Variants in BNIP5 observed in about 807,000 individuals in gnomAD.
BNIP5 encodes BCL2 interacting protein 5.
In BNIP5, 61 loss-of-function variants were observed where a neutral mutation model predicts 67.3. That is an observed-to-expected ratio of 0.91 (90% CI 0.74 to 1.12). The LOEUF is 1.12. Among genes scored for constraint, BNIP5 ranks in the 50% most tolerant of loss-of-function variants. The probability of loss-of-function intolerance (pLI) is 0.00; values close to 1 mark genes in which losing one functional copy is unlikely to be tolerated. For synonymous variants in BNIP5, 317 were observed against 319.0 expected (o/e 0.99, Z 0.07); for missense variants, 826 against 816.3 (o/e 1.01, Z -0.14).
At chr6:36,334,592 G>A (rs980530010) in intron 1 of BNIP5, among the ~76,000 whole-genome samples, 35 of 151,520 alleles carry the variant, frequency 2.3e-4, no homozygotes, top group African/African-American at 7.6e-4. Flanking sequence ...TTGAGACAGC[G>A]CGGCTGACTG....
Position 36,317,042 on chromosome 6 carries a change from G to A in BNIP5, c.*314C>T. The A allele has an allele frequency of 2.2e-6, 1 of 461,286 alleles. No homozygotes were observed. Among genetic ancestry groups the A allele is most frequent in the Non-Finnish European group, 3.8e-6 (1 of 262,864 alleles). The allele number at this position is 461,286 out of a possible 1,614,324, so 28.6% of individuals were successfully genotyped here. ...TCTGGGTGGGATCCTAGACTCCAAA[G>A]TCTGGAGAGGAGGGGGAATGTGTAG... On this transcript the variant is annotated 3_prime_UTR_variant, in exon 12 of 12. Transcript: ENST00000437635.
At chr6:36,328,767 A>C in intron 2 of BNIP5, 53 bp from the exon 3 acceptor site, 1 of 1,050,606 alleles carries the variant, frequency 9.5e-7, no homozygotes, top group Non-Finnish European at 1.5e-6. Flanking sequence ...TGCGTGTGTC[A>C]GTGACATTCT....
intron 11 of BNIP5, among the ~76,000 whole-genome samples, chr6:36,318,882 C>T (rs1186425379): frequency 6.6e-6 from 1 of 152,168 alleles, no homozygotes; most frequent in African/African-American, 2.4e-5. Flanking sequence ...AGTGAGTGAT[C>T]GCCTCCTGGA....
chr6:36,318,763 T>C (rs1771571351), intron 11 of BNIP5, among the ~76,000 whole-genome samples: 1 of 151,886 alleles, frequency 6.6e-6, no homozygotes, highest in Non-Finnish European at 1.5e-5. Flanking sequence ...GAAGGGAATA[T>C]CTCAGAGACT....
Position 36,330,447 on chromosome 6 carries a change from C to T in BNIP5, c.244G>A (p.Gly82Arg), listed in dbSNP as rs373211877. The T allele has an allele frequency of 1.9e-5, 31 of 1,614,190 alleles. No homozygotes were observed. Among genetic ancestry groups the T allele is most frequent in the African/African-American group, 8.0e-5 (6 of 75,060 alleles). The change falls in exon 2 of 12, where the codon GGA (glycine) becomes AGA (arginine). Residue 82 changes from glycine to arginine, a missense_variant. Coordinates refer to ENST00000437635, the MANE Select transcript of BNIP5 (RefSeq NM_001010903.5). Reference sequence around the variant, plus strand: ...CTCTGCTCGCTGGGGAGAAAATCTCCGGTCTCCTCGGGAGTGGGGGCTGCA... The same window carrying T: ...CTCTGCTCGCTGGGGAGAAAATCTCTGGTCTCCTCGGGAGTGGGGGCTGCA... The part of the protein sequence containing the change: ...TAAAPTPEET[G>R]DFLPSEQRPS...
At position 36,316,575 on chromosome 6, in the gene BNIP5, A is replaced by T; in HGVS notation, c.*781T>A. 1 of 398,728 alleles carries T rather than the reference A, an allele frequency of 2.5e-6. No homozygotes were observed. Among genetic ancestry groups the T allele is most frequent in the Non-Finnish European group, 4.4e-6 (1 of 226,138 alleles). 24.7% of individuals were successfully genotyped at this position (398,728 alleles called of 1,614,324 possible). On this transcript the variant is annotated 3_prime_UTR_variant, in exon 12 of 12. Transcript: ENST00000437635. The stretch of plus-strand genomic sequence containing the variant: ...GCAACAATCCATGGCAGTCCAGCCC[A>T]TTGAAGCCCTCCTCCACTTCCTGAA...
intron 2 of BNIP5, among the ~76,000 whole-genome samples, chr6:36,329,073 G>A (rs901079851): frequency 4.6e-5 from 7 of 152,196 alleles, no homozygotes; most frequent in Non-Finnish European, 1.0e-4. Flanking sequence ...GGCACCTTGG[G>A]AGCCAGCACC....
rs189160639 is a variant in BNIP5 at position 36,331,683 on chromosome 6, T to A, written c.-4-989A>T. On this transcript the variant is annotated intron_variant, in intron 1 of 11. Coordinates refer to ENST00000437635, the MANE Select transcript of BNIP5 (RefSeq NM_001010903.5). ...GTCACCCCTGACTTCTCTCTTTTTT[T>A]AAAAAATAAATAATTTTATTTAGAA... 7.5e-3 allele frequency among the ~76,000 whole-genome samples: 1,135 copies of A among 152,280 alleles called. 11 individuals carry two copies. The highest frequency in any genetic ancestry group is 0.024 in the African/African-American group (1,011 of 41,542).
chr6:36,333,580 C>G (rs553155466), intron 1 of BNIP5, among the ~76,000 whole-genome samples: 3 of 152,190 alleles, frequency 2.0e-5, no homozygotes, highest in Admixed American at 6.5e-5. Flanking sequence ...ATGCTCAGTG[C>G]TAGGGATACA....
At chr6:36,333,090 A>T (rs965397738) in intron 1 of BNIP5, among the ~76,000 whole-genome samples, 2 of 152,250 alleles carry the variant, frequency 1.3e-5, no homozygotes, top group Non-Finnish European at 2.9e-5. Flanking sequence ...CAGGAAAGTG[A>T]AGAAGATACA....
intron 5 of BNIP5, 125 bp downstream of exon 5, chr6:36,326,385 G>C (rs536200342): frequency 2.0e-5 from 24 of 1,203,426 alleles, no homozygotes; most frequent in Non-Finnish European, 2.8e-5. Flanking sequence ...ACACCACTCA[G>C]GGCAGAGTGC....
chr6:36,327,715 AC>A (rs1025997471), intron 3 of BNIP5, among the ~76,000 whole-genome samples: 1 of 152,034 alleles, frequency 6.6e-6, no homozygotes, highest in Non-Finnish European at 1.5e-5. Context: ...TTCCTTTGAT[AC>A]CCCAGTCAGC....
At chr6:36,335,286 G>A (rs1051115383) in intron 1 of BNIP5, among the ~76,000 whole-genome samples, 11 of 152,068 alleles carry the variant, frequency 7.2e-5, no homozygotes, top group African/African-American at 2.7e-4. Flanking sequence ...ATAACTTCGC[G>A]GCTCCCCTTC....
chr6:36,320,923 C>T (rs760419113), intron 10 of BNIP5, among the ~76,000 whole-genome samples: 8 of 152,150 alleles, frequency 5.3e-5, no homozygotes, highest in Admixed American at 6.5e-5. Context: ...GCCACATGAG[C>T]GTTGTGTTAT....
At chr6:36,321,007 TCTC>T in intron 10 of BNIP5, 145 bp downstream of exon 10, 1 of 609,094 alleles carries the variant, frequency 1.6e-6, no homozygotes, top group Admixed American at 2.9e-5. Flanking sequence ...AGTAGGTAAT[TCTC>T]TCTCATTTTG....
chr6:36,325,086 G>A (rs566732312), intron 6 of BNIP5, among the ~76,000 whole-genome samples, 197 bp downstream of exon 6: 5 of 152,224 alleles, frequency 3.3e-5, no homozygotes, highest in South Asian at 4.1e-4. Context: ...CAACACTATC[G>A]CCATTTATCG....
At chr6:36,331,965 T>TA (rs1771917066) in intron 1 of BNIP5, among the ~76,000 whole-genome samples, 1 of 152,152 alleles carries the variant, frequency 6.6e-6, no homozygotes, top group African/African-American at 2.4e-5. Context: ...TACCACCACC[T>TA]CCTAACTGAC....
chr6:36,327,083 T>A lies in BNIP5; in HGVS notation c.739A>T (p.Ile247Phe). Residue 247 changes from isoleucine to phenylalanine, a missense_variant, in exon 4 of 12, where the codon ATT (isoleucine) becomes TTT (phenylalanine). Ile to Phe is a conservative substitution (Grantham distance 21). Transcript: ENST00000437635. ...TTGAGCAATTCCACTATCATCTGAA[T>A]GATAGCATCCTCTGGAAGAAAGCAA... ...ELKKPDQDAI[I>F]QMIVELLKRV... is the part of the protein sequence containing the mutation. The A allele has an allele frequency of 1.2e-6, 2 of 1,614,050 alleles. No individual in the cohort carries two copies. The highest frequency in any genetic ancestry group is 1.7e-6 in the Non-Finnish European group (2 of 1,179,890).
At chr6:36,319,237 CAA>C (rs1349743123) in intron 11 of BNIP5, 117 bp downstream of exon 11, 1 of 1,280,894 alleles carries the variant, frequency 7.8e-7, no homozygotes, top group African/African-American at 1.5e-5. Context: ...GAGATAGACC[CAA>C]AAATTCTGAA....
Sources: gnomAD v4.1 joint callset for allele counts (sites outside exome capture counted in the v4.1 genomes callset) on GRCh38, gnomAD v4.1.1 for gene constraint, MANE v1.5 for transcripts, NCBI Gene and HGNC (gene_info 2026-07-23, HGNC 2026-07-21) for gene names.